PRODH2: variants seen among roughly 807,000 people sequenced by gnomAD.
The protein encoded by PRODH2 is hydroxyproline dehydrogenase.
In PRODH2, 49 loss-of-function variants were observed where a neutral mutation model predicts 51.9. The ratio of observed to expected loss-of-function variants is 0.94; its 90% CI spans 0.75 to 1.20. PRODH2 has a LOEUF of 1.20. PRODH2 is among the 50% of genes most tolerant of loss of function. The pLI is 0.00. For missense variants in PRODH2, 597 were observed against 610.9 expected (o/e 0.98, Z 0.24); for synonymous variants, 249 against 260.7 (o/e 0.96, Z 0.43).
intron 4 of PRODH2, among the ~76,000 whole-genome samples, chr19:35,809,578 G>T (rs1972568731): frequency 6.6e-6 from 1 of 152,072 alleles, no homozygotes; most frequent in Non-Finnish European, 1.5e-5. Context: ...ATAAACTAAA[G>T]CTCATGAAGA....
At chr19:35,803,119 G>T in intron 7 of PRODH2, 41 bp from the exon 8 acceptor site, 1 of 1,421,550 alleles carries the variant, frequency 7.0e-7, no homozygotes, top group Non-Finnish European at 9.4e-7. Context: ...GGTGAGCGAG[G>T]GTCAGGCCCC....
At position 35,806,756 on chromosome 19, in the gene PRODH2, C is replaced by G; in HGVS notation, c.753G>C (p.Leu251=). The G allele has an allele frequency of 6.2e-7, 1 of 1,613,876 alleles. No homozygotes were observed. The highest frequency in any genetic ancestry group is 8.5e-7 in the Non-Finnish European group (1 of 1,179,916). The part of the protein sequence containing the change: ...YTSLNPALSL[L]VAALAVRWNS... ...TCCAGCGCACAGCCAGGGCAGCCAC[C>G]AGCAGCGAGAGCGCAGGGTTCAGTG... Residue 251 remains leucine (L), a synonymous_variant, in exon 6 of 10, where the codon CTG becomes CTC. Coordinates refer to ENST00000653904, the MANE Select transcript of PRODH2 (RefSeq NM_021232.2).
Position 35,800,065 on chromosome 19 carries a change from C to G in PRODH2, c.1356G>C (p.Leu452=). ...AGTGGGGTATCCTTCGGCATCCTGGCAGCAGCCGCCGCCACAGTTCTTGGC... is the reference window on the plus strand; with the variant it reads ...AGTGGGGTATCCTTCGGCATCCTGGGAGCAGCCGCCGCCACAGTTCTTGGC... ...LLSQELWRRL[L]PGCRRIPH Residue 452 remains leucine, a synonymous_variant, in exon 10 of 10, where the codon CTG becomes CTC. Transcript: ENST00000653904. 6.2e-7 allele frequency: 1 copy of G among 1,611,514 alleles called. No homozygotes were observed. The highest frequency in any genetic ancestry group is 1.1e-5 in the South Asian group (1 of 90,616).
rs1333823467 is a variant in PRODH2 at position 35,807,071 on chromosome 19, G to A, written c.648C>T (p.Ala216=). 6.4e-7 allele frequency: 1 copy of A among 1,552,534 alleles called. No individual in the cohort carries two copies. The highest frequency in any genetic ancestry group is 1.2e-5 in the South Asian group (1 of 84,142). The change falls in exon 5 of 10, where the codon GCC becomes GCT. Residue 216 remains alanine, a synonymous_variant. Coordinates refer to ENST00000653904, the MANE Select transcript of PRODH2 (RefSeq NM_021232.2). ...CCACCCGATGCAGGCGGCTGAGGGA[G>A]GCCCGGAGGTGCTGGTTCTGCTCAG... ...LNAEQNQHLR[A]SLSRLHRVAQ...
At chr19:35,804,502 G>A (rs1972480226) in intron 7 of PRODH2, among the ~76,000 whole-genome samples, 1 of 152,270 alleles carries the variant, frequency 6.6e-6, no homozygotes, top group Admixed American at 6.5e-5. Context: ...TTTTAACAGA[G>A]TGGGGAGACT....
intron 4 of PRODH2, among the ~76,000 whole-genome samples, chr19:35,811,068 G>A (rs1213573397): frequency 6.6e-6 from 1 of 152,150 alleles, no homozygotes; most frequent in African/African-American, 2.4e-5. Flanking sequence ...ATGGATAGAG[G>A]AATAGAGGGA....
At position 35,802,257 on chromosome 19, in the gene PRODH2, G is replaced by A. The variant is rs1389769167; in HGVS notation, c.1132C>T (p.Pro378Ser). 6.2e-7 allele frequency: 1 copy of A among 1,614,182 alleles called. No individual in the cohort carries two copies. Among genetic ancestry groups the A allele is most frequent in the Admixed American group, 1.7e-5 (1 of 60,016 alleles). Residue 378 changes from proline (P) to serine (S), a missense_variant, in exon 9 of 10, where the codon CCT (proline) becomes TCT (serine). By Grantham distance (74) the Pro-to-Ser change is moderately conservative (BLOSUM62 -1). Transcript: ENST00000653904. ...CCGAAACAGACAGTCCCATCCAGAG[G>A]AATGCCCAGCTCCCACATGCTACAG... ...ATKRMWELGI[P>S]LDGTVCFGQL...
At position 35,806,538 on chromosome 19, in the gene PRODH2, A is replaced by G. The variant is rs769901905; in HGVS notation, c.893T>C (p.Phe298Ser). 12 of 1,614,000 alleles carry G rather than the reference A, an allele frequency of 7.4e-6. No individual in the cohort carries two copies. Among genetic ancestry groups the G allele is most frequent in the African/African-American group, 1.3e-5 (1 of 74,898 alleles). Reference protein sequence around the residue: ...AEAAHRAGLAFGVKLVRGAYL... With the variant: ...AEAAHRAGLASGVKLVRGAYL... ...TGCACCTCGTACCAGCTTCACTCCG[A>G]AGGCCAGGCCGGCCCTGTGCGCAGC... The change falls in exon 7 of 10, where the codon TTC becomes TCC. Residue 298 changes from phenylalanine (F) to serine (S), a missense_variant. Transcript: ENST00000653904.
rs1397399244 is a variant in PRODH2, at chr19:35,812,526, A to T, written c.205T>A (p.Ser69Thr). ...CGGAGAAATGCGCCTGAGAGCCGGG[A>T]GCCCAGGAGTCGCCGAGACCAGGCC... ...LQAWSRRLLG[S>T]RLSGAFLRAS... is the part of the protein sequence containing the mutation. Residue 69 changes from serine to threonine, a missense_variant, in exon 2 of 10, where the codon TCC (serine) becomes ACC (threonine). Physicochemically the swap from Ser to Thr is moderately conservative, Grantham distance 58 (BLOSUM62 1). Coordinates refer to ENST00000653904, the MANE Select transcript of PRODH2 (RefSeq NM_021232.2). The T allele has an allele frequency of 6.2e-7, 1 of 1,614,130 alleles. No homozygotes were observed. The highest frequency in any genetic ancestry group is 1.3e-5 in the African/African-American group (1 of 75,066).
In PRODH2 at chr19:35,808,881, G is replaced by T. The variant is rs541177108; in HGVS notation, c.598-1760C>A. ...CAAGAGTGCAGTGGTGCAAGTTCAA[G>T]TGATTCCCCTGCCTCAGCCTCCTGA... On this transcript the variant is annotated intron_variant, in intron 4 of 9. Coordinates refer to ENST00000653904, the MANE Select transcript of PRODH2 (RefSeq NM_021232.2). Among the ~76,000 whole-genome samples the T allele has an allele frequency of 5.6e-5, 8 of 142,772 alleles. No homozygotes were observed. The South Asian group carries it at 1.9e-3, about 33-fold the overall frequency. 93.7% of individuals were successfully genotyped at this position (142,772 alleles called of 152,430 possible).
Position 35,802,251 on chromosome 19 carries a change from C to T in PRODH2, c.1138G>A (p.Asp380Asn), listed in dbSNP as rs772742149. The T allele has an allele frequency of 6.2e-7, 1 of 1,614,130 alleles. No individual in the cohort carries two copies. The highest frequency in any genetic ancestry group is 8.5e-7 in the Non-Finnish European group (1 of 1,180,026). The change falls in exon 9 of 10, where the codon GAT (aspartate) becomes AAT (asparagine). Residue 380 changes from aspartate (D) to asparagine (N), a missense_variant. By Grantham distance (23) the Asp-to-Asn change is conservative (BLOSUM62 1). Transcript: ENST00000653904. Reference sequence around the variant, plus strand: ...AGTTGTCCGAAACAGACAGTCCCATCCAGAGGAATGCCCAGCTCCCACATG... The same window carrying T: ...AGTTGTCCGAAACAGACAGTCCCATTCAGAGGAATGCCCAGCTCCCACATG... ...KRMWELGIPL[D>N]GTVCFGQLLG...
rs147036698 is a variant in PRODH2, at chr19:35,812,649, C to T, written c.157G>A (p.Val53Ile). Residue 53 changes from valine (V) to isoleucine (I), a missense_variant, in exon 1 of 10, where the codon GTC becomes ATC. Transcript: ENST00000653904. ...VLRLCAWPPL[V>I]THGLLLQAWS... ...CTGCTCACCAACAGCCCGTGAGTGA[C>T]GAGTGGGGGCCAGGCACACAGCCGG... 7.5e-6 allele frequency: 12 copies of T among 1,592,776 alleles called. No homozygotes were observed. The highest frequency in any genetic ancestry group is 1.3e-5 in the African/African-American group (1 of 74,690).
At chr19:35,802,883 G>A in intron 8 of PRODH2, 85 bp downstream of exon 8, 2 of 967,714 alleles carry the variant, frequency 2.1e-6, no homozygotes, top group Non-Finnish European at 1.5e-6. Flanking sequence ...GAACACCTCT[G>A]TCCATCTCTG....
chr19:35,802,649 C>A (rs1360412077), intron 8 of PRODH2, among the ~76,000 whole-genome samples: 2 of 152,026 alleles, frequency 1.3e-5, no homozygotes, highest in African/African-American at 4.8e-5. Context: ...GCAGTCTCAA[C>A]CTCTTGGGCT....
At chr19:35,809,898 G>A (rs888969072) in intron 4 of PRODH2, among the ~76,000 whole-genome samples, 2 of 134,984 alleles carry the variant, frequency 1.5e-5, no homozygotes, top group Non-Finnish European at 3.1e-5. Context: ...GGCGGAGGTT[G>A]CAGTGAGCCG....
In PRODH2 at chr19:35,812,290, G is replaced by A. The variant is rs1342056877; in HGVS notation, c.372-18C>T. The A allele has an allele frequency of 1.2e-6, 2 of 1,612,844 alleles. No individual in the cohort carries two copies. The highest frequency in any genetic ancestry group is 1.7e-6 in the Non-Finnish European group (2 of 1,179,462). ...ACGCCTCACTGCCCAGCCAGCAGGT[G>A]TCAGGGCCCGAACAGCAAAGCCCCT... On this transcript the variant is annotated intron_variant, in intron 2 of 9. Transcript: ENST00000653904.
chr19:35,802,222 C>T lies in PRODH2; in HGVS notation c.1167G>A (p.Leu389=), dbSNP rs1161508609. 1 of 1,613,950 alleles carries T rather than the reference C, an allele frequency of 6.2e-7. No homozygotes were observed. Among genetic ancestry groups the T allele is most frequent in the African/African-American group, 1.3e-5 (1 of 74,860 alleles). The change falls in exon 9 of 10, where the codon CTG becomes CTA. Residue 389 remains leucine, a synonymous_variant. Coordinates refer to ENST00000653904, the MANE Select transcript of PRODH2 (RefSeq NM_021232.2). ...CTAGAGAGACGTGGTCACACATGCC[C>T]AGAAGTTGTCCGAAACAGACAGTCC... ...LDGTVCFGQL[L]GMCDHVSLAL... is the part of the protein sequence containing the mutation.
intron 4 of PRODH2, among the ~76,000 whole-genome samples, chr19:35,809,649 T>A (rs1972569418): frequency 6.6e-6 from 1 of 152,118 alleles, no homozygotes; most frequent in Admixed American, 6.6e-5. Context: ...TTCTATGTGT[T>A]CTCTGACACA....
At chr19:35,807,517 G>A (rs1225526206) in intron 4 of PRODH2, among the ~76,000 whole-genome samples, 2 of 152,032 alleles carry the variant, frequency 1.3e-5, no homozygotes, top group South Asian at 4.1e-4. Flanking sequence ...TGGCCAGGCT[G>A]GTCTCGAACT....
Sources: allele counts gnomAD v4.1 joint callset (sites outside exome capture counted in the v4.1 genomes callset), GRCh38; gene constraint gnomAD v4.1.1; transcripts MANE v1.5; gene names NCBI Gene and HGNC (gene_info 2026-07-23, HGNC 2026-07-21).